Variants in ADCY8 observed in about 807,000 individuals in gnomAD.
ADCY8 encodes adenylate cyclase 8.
A neutral mutation model predicts 119.7 loss-of-function variants in ADCY8; 51 were observed. The ratio of observed to expected loss-of-function variants is 0.43; its 90% CI spans 0.34 to 0.54. The LOEUF is 0.54. ADCY8 is among the 20% of genes least tolerant of loss of function. The pLI, the probability that ADCY8 is intolerant of heterozygous loss-of-function variation, is 0.03. For synonymous variants in ADCY8, 665 were observed against 651.0 expected (o/e 1.02, Z -0.33); for missense variants, 1,383 against 1,598.8 (o/e 0.87, Z 2.30).
chr8:131,028,387 C>T (rs1263567372), intron 1 of ADCY8, among the ~76,000 whole-genome samples: 1 of 152,160 alleles, frequency 6.6e-6, no homozygotes, highest in African/African-American at 2.4e-5. Context: ...ACTTTGTAGT[C>T]ACTGCACATT....
intron 5 of ADCY8, among the ~76,000 whole-genome samples, chr8:130,930,288 G>A (rs926436324): frequency 6.8e-6 from 1 of 147,700 alleles, no homozygotes; most frequent in African/African-American, 2.5e-5. Context: ...GTCTCGTTCT[G>A]TCACCCAGGC....
At chr8:130,913,931 G>A (rs1820054264) in intron 5 of ADCY8, among the ~76,000 whole-genome samples, 1 of 152,144 alleles carries the variant, frequency 6.6e-6, no homozygotes, top group Non-Finnish European at 1.5e-5. Flanking sequence ...TTTCCCTACA[G>A]ATGCTTTAAT....
chr8:130,836,255 A>T, intron 12 of ADCY8, 22 bp downstream of exon 12: 1 of 1,596,598 alleles, frequency 6.3e-7, no homozygotes, highest in Non-Finnish European at 8.5e-7. Context: ...CACACTTTGG[A>T]CTCACGGTGG....
In ADCY8 at chr8:131,039,449, G is replaced by C. The variant is rs771167320; in HGVS notation, c.885C>G (p.Ala295=). 1 of 1,614,180 alleles carries C rather than the reference G, an allele frequency of 6.2e-7. No homozygotes were observed. Among genetic ancestry groups the C allele is most frequent in the African/African-American group, 1.3e-5 (1 of 75,058 alleles). ...LPLPLTWAIL[A]GLGTSLLQVI... ...CCTGCAGCAGCGAGGTGCCCAGGCC[G>C]GCCAGGATGGCCCAGGTGAGCGGCA... Residue 295 remains alanine (A), a synonymous_variant, in exon 1 of 18, where the codon GCC becomes GCG. Transcript: ENST00000286355.
chr8:131,015,942 T>A (rs1490061607), intron 1 of ADCY8, among the ~76,000 whole-genome samples: 1 of 152,112 alleles, frequency 6.6e-6, no homozygotes, highest in Non-Finnish European at 1.5e-5. Context: ...ACAGCAAACA[T>A]CAATACACAG....
intron 7 of ADCY8, among the ~76,000 whole-genome samples, chr8:130,898,689 C>G (rs543040916): frequency 6.6e-6 from 1 of 152,166 alleles, no homozygotes; most frequent in African/African-American, 2.4e-5. Flanking sequence ...TGAAAAGGGG[C>G]CTTGCTTCTC....
chr8:131,008,495 T>C (rs1823195633), intron 1 of ADCY8, among the ~76,000 whole-genome samples: 1 of 152,182 alleles, frequency 6.6e-6, no homozygotes, highest in East Asian at 1.9e-4. Context: ...TACACTATAA[T>C]TGTAAGTTTC....
chr8:130,983,098 C>T (rs1156508286), intron 2 of ADCY8, among the ~76,000 whole-genome samples: 1 of 152,144 alleles, frequency 6.6e-6, no homozygotes. Context: ...CAGGACATAG[C>T]TGGTACCTCA....
intron 7 of ADCY8, among the ~76,000 whole-genome samples, chr8:130,894,264 C>T (rs138160600): frequency 6.6e-4 from 101 of 152,272 alleles, no homozygotes; most frequent in African/African-American, 2.3e-3. Flanking sequence ...ATTGCTACCT[C>T]TTTGGGGTTG....
chr8:130,920,144 TAAAAAA>T (rs71304399), intron 5 of ADCY8, among the ~76,000 whole-genome samples: 2 of 99,808 alleles, frequency 2.0e-5, no homozygotes, highest in Non-Finnish European at 1.9e-5. Flanking sequence ...CTCCGTTTCT[TAAAAAA>T]AAAAAAAAAA....
chr8:130,894,630 C>A (rs1586543666), intron 7 of ADCY8, among the ~76,000 whole-genome samples: 1 of 152,278 alleles, frequency 6.6e-6, no homozygotes, highest in African/African-American at 2.4e-5. Flanking sequence ...CTTGCAAAAA[C>A]TTCCATCCAT....
intron 12 of ADCY8, among the ~76,000 whole-genome samples, chr8:130,830,375 G>T (rs1255422406): frequency 6.6e-6 from 1 of 151,910 alleles, no homozygotes; most frequent in Non-Finnish European, 1.5e-5. Context: ...AGGGTGGAGG[G>T]GTCAGCTTTC....
At chr8:130,853,358 C>T (rs918070457) in intron 9 of ADCY8, among the ~76,000 whole-genome samples, 1 of 152,168 alleles carries the variant, frequency 6.6e-6, no homozygotes. Context: ...GCCTCATTCA[C>T]CTTTGACACT....
intron 8 of ADCY8, among the ~76,000 whole-genome samples, chr8:130,870,584 C>T (rs1222123969): frequency 3.9e-5 from 6 of 152,156 alleles, no homozygotes; most frequent in Non-Finnish European, 8.8e-5. Flanking sequence ...CACTCAGATC[C>T]TGAGCCTGAG....
rs947100627 is a variant in ADCY8, at chr8:130,790,423, A to G, written c.3061-4948T>C. 1.2e-4 allele frequency among the ~76,000 whole-genome samples: 18 copies of G among 152,182 alleles called. 1 individual carries two copies. Among genetic ancestry groups the G allele is most frequent in the Non-Finnish European group, 5.9e-5 (4 of 68,032 alleles). On this transcript the variant is annotated intron_variant, in intron 15 of 17. Transcript: ENST00000286355. The stretch of plus-strand genomic sequence containing the variant: ...GGCTATGATAGTACACAATCCCATT[A>G]TAAAGTAGCCTGTTCTATTTTTGTG...
intron 1 of ADCY8, among the ~76,000 whole-genome samples, chr8:131,016,401 G>A (rs1306085140): frequency 6.6e-6 from 1 of 152,170 alleles, no homozygotes; most frequent in Non-Finnish European, 1.5e-5. Context: ...CTACTCAGGA[G>A]GCTGAGGTGG....
intron 1 of ADCY8, among the ~76,000 whole-genome samples, chr8:131,025,926 T>C (rs1823809034): frequency 6.6e-6 from 1 of 152,242 alleles, no homozygotes; most frequent in Admixed American, 6.5e-5. Flanking sequence ...ATTTGATGGA[T>C]GACTGTCTAT....
At chr8:130,902,617 G>A (rs1312117058) in intron 7 of ADCY8, among the ~76,000 whole-genome samples, 1 of 152,058 alleles carries the variant, frequency 6.6e-6, no homozygotes, top group African/African-American at 2.4e-5. Flanking sequence ...ACTTTCAAAT[G>A]CAGAAAAAAG....
Position 130,800,428 on chromosome 8 carries a change from C to T in ADCY8, c.3058G>A (p.Glu1020Lys). ...AAATGTCTCAGGCTTAGATTTACCT[C>T]ATCGAAGTCAGCAATGATCTCATTG... ...LLNEIIADFD[E>K]LLGEDRFQDI... Residue 1020 changes from glutamate to lysine, a missense_variant and splice_region_variant, in exon 15 of 18, where the codon GAG (glutamate) becomes AAG (lysine). Physicochemically the swap from Glu to Lys is moderately conservative, Grantham distance 56. Transcript: ENST00000286355. The T allele has an allele frequency of 6.2e-7, 1 of 1,614,132 alleles. No homozygotes were observed. The highest frequency in any genetic ancestry group is 8.5e-7 in the Non-Finnish European group (1 of 1,180,006).
Sources: gnomAD v4.1 joint callset for allele counts (sites outside exome capture counted in the v4.1 genomes callset) on GRCh38, gnomAD v4.1.1 for gene constraint, MANE v1.5 for transcripts, NCBI Gene and HGNC (gene_info 2026-07-23, HGNC 2026-07-21) for gene names.